MCTP2: variants seen among roughly 807,000 people sequenced by gnomAD.
The protein encoded by MCTP2 is multiple C2 and transmembrane domain containing 2, also known as multiple C2 and transmembrane domain-containing protein 2.
In MCTP2, 132 loss-of-function variants were observed where a neutral mutation model predicts 111.6. That is an observed-to-expected ratio of 1.18 (90% CI 1.03 to 1.37). The LOEUF (loss-of-function observed/expected upper bound fraction) is 1.37, where lower values mean the gene tolerates loss of function less well. Ranked by LOEUF, MCTP2 falls within the 40% of genes most tolerant of loss-of-function variation. The pLI is 0.00. For synonymous variants in MCTP2, 395 were observed against 387.7 expected, an observed-to-expected ratio of 1.02 and a Z score of -0.22; for missense variants, 1,183 against 1,067.9, an observed-to-expected ratio of 1.11 and a Z score of -1.50.
rs969703513 is a variant in MCTP2, at chr15:94,481,301, T to G, written c.*2267T>G. 1 of 152,124 alleles carries G rather than the reference T, an allele frequency of 6.6e-6. No individual in the cohort carries two copies. The highest frequency in any genetic ancestry group is 1.5e-5 in the Non-Finnish European group (1 of 68,054). 9.4% of individuals were successfully genotyped at this position (152,124 alleles called of 1,614,324 possible). Reference sequence around the variant, plus strand: ...GTCTTCAGAACCCCAACCCTCATAATCTCCTTCCAGCTTCCTTATTTCCCT... The same window carrying G: ...GTCTTCAGAACCCCAACCCTCATAAGCTCCTTCCAGCTTCCTTATTTCCCT... On this transcript the variant is annotated 3_prime_UTR_variant, in exon 23 of 23. Transcript: ENST00000357742.
At chr15:94,382,880 G>T (rs566967572) in intron 12 of MCTP2, among the ~76,000 whole-genome samples, 52 of 152,360 alleles carry the variant, frequency 3.4e-4, no homozygotes, top group African/African-American at 1.1e-3. Context: ...TTCTTTCCCT[G>T]ACAGTTCCAA....
chr15:94,407,793 A>G (rs897122843), intron 17 of MCTP2, among the ~76,000 whole-genome samples: 11 of 140,712 alleles, frequency 7.8e-5, no homozygotes, highest in South Asian at 2.3e-4. Flanking sequence ...ACACACACAC[A>G]CACACACACA....
rs2074675017 is a variant in MCTP2 at position 94,480,541 on chromosome 15, C to T, written c.*1507C>T. 6.6e-6 allele frequency: 1 copy of T among 152,180 alleles called. No individual in the cohort carries two copies. The highest frequency in any genetic ancestry group is 6.5e-5 in the Admixed American group (1 of 15,278). The allele number at this position is 152,180 out of a possible 1,614,324, so 9.4% of individuals were successfully genotyped here. On this transcript the variant is annotated 3_prime_UTR_variant, in exon 23 of 23. Coordinates refer to ENST00000357742, the MANE Select transcript of MCTP2 (RefSeq NM_001385001.1). ...AGCCTTGCAGAAATTATAAAAGCTC[C>T]AGTAAATCTCGTAGTTGTACATACA...
At chr15:94,236,417 C>G (rs986807406) in intron 1 of MCTP2, among the ~76,000 whole-genome samples, 1 of 123,880 alleles carries the variant, frequency 8.1e-6, no homozygotes, top group Non-Finnish European at 1.6e-5. Context: ...CGAAATAGCC[C>G]CATGGTGTCA....
At chr15:94,312,917 T>A (rs553856383) in intron 2 of MCTP2, among the ~76,000 whole-genome samples, 66 of 152,226 alleles carry the variant, frequency 4.3e-4, no homozygotes, top group African/African-American at 1.4e-3. Context: ...AGCGAATGTG[T>A]GTCTCGGAAG....
At chr15:94,243,802 C>T (rs1488903294) in intron 1 of MCTP2, among the ~76,000 whole-genome samples, 10 of 141,394 alleles carry the variant, frequency 7.1e-5, no homozygotes, top group South Asian at 2.3e-4. Flanking sequence ...TACACATATG[C>T]GTATATACAT....
intron 14 of MCTP2, among the ~76,000 whole-genome samples, chr15:94,390,213 A>C (rs2080873890): frequency 6.6e-6 from 1 of 150,832 alleles, no homozygotes; most frequent in East Asian, 1.9e-4. Context: ...AATCTTTTTC[A>C]GAAAAATAGT....
At chr15:94,244,245 T>A (rs368424556) in intron 1 of MCTP2, among the ~76,000 whole-genome samples, 19,265 of 120,468 alleles carry the variant, frequency 0.16, 1,801 homozygotes, top group Non-Finnish European at 0.19. Flanking sequence ...TACACGTGTA[T>A]ACACATATGT....
intron 17 of MCTP2, among the ~76,000 whole-genome samples, chr15:94,426,223 A>T (rs1263310088): frequency 6.6e-6 from 1 of 151,824 alleles, no homozygotes; most frequent in Non-Finnish European, 1.5e-5. Context: ...CCTTAACTTT[A>T]TGACTCCATG....
chr15:94,337,755 C>G (rs765277868), intron 4 of MCTP2, among the ~76,000 whole-genome samples: 7 of 146,838 alleles, frequency 4.8e-5, no homozygotes, highest in Non-Finnish European at 9.1e-5. Flanking sequence ...CTCCTATGTT[C>G]TCAAACTTAA....
At chr15:94,352,613 G>T (rs752792251) in intron 8 of MCTP2, among the ~76,000 whole-genome samples, 1 of 152,144 alleles carries the variant, frequency 6.6e-6, no homozygotes, top group Non-Finnish European at 1.5e-5. Flanking sequence ...GTTCAGGTGG[G>T]GTGGCTTTCC....
intron 2 of MCTP2, among the ~76,000 whole-genome samples, chr15:94,300,415 C>T (rs1335614585): frequency 6.7e-6 from 1 of 149,110 alleles, no homozygotes; most frequent in African/African-American, 2.5e-5. Context: ...GAGGCTGAGG[C>T]AGGAGAATGG....
At chr15:94,321,504 A>G (rs1380096307) in intron 4 of MCTP2, among the ~76,000 whole-genome samples, 1 of 152,212 alleles carries the variant, frequency 6.6e-6, no homozygotes, top group Non-Finnish European at 1.5e-5. Context: ...TATAGTAATT[A>G]ATGAATAATC....
intron 17 of MCTP2, among the ~76,000 whole-genome samples, chr15:94,404,808 G>GGGAAAATC (rs950957267): frequency 1.2e-4 from 18 of 152,106 alleles, no homozygotes; most frequent in African/African-American, 4.1e-4. Flanking sequence ...CTTCATGATG[G>GGGAAAATC]GTTGTCTTTC....
intron 1 of MCTP2, chr15:94,232,133 G>T (rs2070220234): frequency 6.6e-6 from 1 of 152,176 alleles, no homozygotes; most frequent in Non-Finnish European, 1.5e-5. Context: ...AATTGCGTAG[G>T]TAACAAACAG....
chr15:94,244,097 C>CGTGT (rs1365447748), intron 1 of MCTP2, among the ~76,000 whole-genome samples: 1 of 54,452 alleles, frequency 1.8e-5, no homozygotes, highest in Non-Finnish European at 4.8e-5. Context: ...TATGTATACA[C>CGTGT]ATACATATGT....
chr15:94,238,477 G>A (rs928074993), intron 1 of MCTP2, among the ~76,000 whole-genome samples: 5 of 151,948 alleles, frequency 3.3e-5, no homozygotes, highest in Non-Finnish European at 7.4e-5. Flanking sequence ...GCTCCAAGTA[G>A]AAGGCTTTTT....
At chr15:94,457,635 G>A (rs1232533743) in intron 19 of MCTP2, among the ~76,000 whole-genome samples, 1 of 152,178 alleles carries the variant, frequency 6.6e-6, no homozygotes, top group Non-Finnish European at 1.5e-5. Context: ...ATGTCATCGG[G>A]CTGGCAATAT....
In MCTP2 at chr15:94,367,620, C is replaced by G. The variant is rs760368511; in HGVS notation, c.1317C>G (p.Ile439Met). The G allele has an allele frequency of 2.9e-5, 47 of 1,610,934 alleles. No individual in the cohort carries two copies. Among genetic ancestry groups the G allele is most frequent in the Non-Finnish European group, 3.8e-5 (45 of 1,178,612 alleles). The change falls in exon 11 of 23, where the codon ATC becomes ATG. Residue 439 changes from isoleucine to methionine, a missense_variant. Ile to Met is a conservative substitution (Grantham distance 10). Transcript: ENST00000357742. ...ACTTTTCTAGGTGTAAAGTGGATAT[C>G]TCGGCACTCCCTCTGAAGCAAGCCA... Reference protein sequence around the residue: ...EERLGTCKVDISALPLKQANC... With the variant: ...EERLGTCKVDMSALPLKQANC...
Sources: gnomAD v4.1 joint callset for allele counts (sites outside exome capture counted in the v4.1 genomes callset) on GRCh38, gnomAD v4.1.1 for gene constraint, MANE v1.5 for transcripts, NCBI Gene and HGNC (gene_info 2026-07-23, HGNC 2026-07-21) for gene names.